Variants in RPAP3 observed in about 807,000 individuals in gnomAD.
RPAP3 encodes RNA polymerase II associated protein 3.
Under a neutral mutation model 88.8 loss-of-function variants are expected in RPAP3, and 58 were observed. That is an observed-to-expected ratio of 0.65 (90% CI 0.53 to 0.81). RPAP3 has a LOEUF of 0.81. Among genes scored for constraint, RPAP3 ranks in the 40% least tolerant of loss-of-function variants. The probability of loss-of-function intolerance (pLI) is 0.00; values close to 1 mark genes in which losing one functional copy is unlikely to be tolerated. For missense variants in RPAP3, 751 were observed against 764.3 expected, an observed-to-expected ratio of 0.98 and a Z score of 0.20; for synonymous variants, 255 against 259.9, an observed-to-expected ratio of 0.98 and a Z score of 0.18.
rs184323583 is a variant in RPAP3, at chr12:47,700,449, T to C, written c.294+1015A>G. Among the ~76,000 whole-genome samples, 149 of 152,354 alleles carry C rather than the reference T, an allele frequency of 9.8e-4. 1 individual carries two copies. The highest frequency in any genetic ancestry group is 3.5e-3 in the African/African-American group (145 of 41,580). ...ATACATCTCTACATATTCTTTGGTA[T>C]GAATCAAATATTACGTAATAAACAC... On this transcript the variant is annotated intron_variant, in intron 3 of 16. Coordinates refer to ENST00000005386, the MANE Select transcript of RPAP3 (RefSeq NM_024604.3).
At chr12:47,677,019 T>C (rs1196717368) in intron 12 of RPAP3, among the ~76,000 whole-genome samples, 2 of 152,048 alleles carry the variant, frequency 1.3e-5, no homozygotes, top group Non-Finnish European at 2.9e-5. Context: ...CCGAATCCAG[T>C]AGCACACCAA....
At chr12:47,692,334 T>C (rs940725264) in intron 5 of RPAP3, among the ~76,000 whole-genome samples, 2 of 152,244 alleles carry the variant, frequency 1.3e-5, no homozygotes, top group Non-Finnish European at 2.9e-5. Context: ...GTGTGTGTTG[T>C]TTAACACAGT....
intron 1 of RPAP3, 78 bp downstream of exon 1, chr12:47,705,874 C>T (rs1358886718): frequency 6.3e-6 from 1 of 159,342 alleles, no homozygotes; most frequent in Non-Finnish European, 1.4e-5. Context: ...TACCCATAAC[C>T]GCTACCCCTC....
intron 1 of RPAP3, among the ~76,000 whole-genome samples, chr12:47,705,353 T>C (rs1939768099): frequency 6.6e-6 from 1 of 152,248 alleles, no homozygotes; most frequent in South Asian, 2.1e-4. Flanking sequence ...GCAGTGTCCA[T>C]GTTTGACCAT....
chr12:47,682,472 A>C (rs1296301126), intron 9 of RPAP3, among the ~76,000 whole-genome samples: 2 of 152,186 alleles, frequency 1.3e-5, no homozygotes, highest in Admixed American at 1.3e-4. Context: ...TTAATTTCTT[A>C]GGAGTGCTAA....
chr12:47,663,580 T>C lies in RPAP3; in HGVS notation c.1923A>G (p.Ala641=), dbSNP rs1938803810. 2 of 1,555,218 alleles carry C rather than the reference T, an allele frequency of 1.3e-6. No individual in the cohort carries two copies. The highest frequency in any genetic ancestry group is 1.7e-6 in the Non-Finnish European group (2 of 1,149,970). Residue 641 remains alanine, a synonymous_variant, in exon 17 of 17, where the codon GCA becomes GCG. Coordinates refer to ENST00000005386, the MANE Select transcript of RPAP3 (RefSeq NM_024604.3). The part of the protein sequence containing the change: ...MSETEKKIAR[A]LFNHIDKSGL... ...CTGACTTGTCTATGTGATTAAATAA[T>C]GCACGTGCAACTGAAAAAGAAAAAG...
chr12:47,685,105 G>A (rs553436258), intron 9 of RPAP3, among the ~76,000 whole-genome samples: 75 of 152,254 alleles, frequency 4.9e-4, no homozygotes, highest in Non-Finnish European at 9.4e-4. Flanking sequence ...TTGGCCGGGC[G>A]CGGTGGCTCC....
At chr12:47,664,113 G>C (rs1175473296) in intron 16 of RPAP3, among the ~76,000 whole-genome samples, 1 of 152,204 alleles carries the variant, frequency 6.6e-6, no homozygotes, top group African/African-American at 2.4e-5. Flanking sequence ...TCATGGGCCA[G>C]GCGTGGTGGT....
chr12:47,704,651 T>C (rs1482192527), intron 1 of RPAP3, among the ~76,000 whole-genome samples: 1 of 151,826 alleles, frequency 6.6e-6, no homozygotes, highest in Non-Finnish European at 1.5e-5. Flanking sequence ...GTGCTGGGAT[T>C]ATAGGCATGA....
chr12:47,678,766 T>C (rs1939165770), intron 12 of RPAP3, among the ~76,000 whole-genome samples: 1 of 152,150 alleles, frequency 6.6e-6, no homozygotes, highest in African/African-American at 2.4e-5. Flanking sequence ...CTGGAGAGGA[T>C]GTGGAGAAAT....
At chr12:47,701,363 G>T in intron 3 of RPAP3, 101 bp downstream of exon 3, 1 of 764,558 alleles carries the variant, frequency 1.3e-6, no homozygotes, top group Non-Finnish European at 2.0e-6. Flanking sequence ...GAAAAACACA[G>T]GCCATAACTC....
At chr12:47,702,578 G>T in intron 2 of RPAP3, 110 bp downstream of exon 2, 2 of 905,526 alleles carry the variant, frequency 2.2e-6, no homozygotes, top group Non-Finnish European at 3.2e-6. Flanking sequence ...AAAATTGACA[G>T]TGAAGCAAGT....
chr12:47,677,923 A>C (rs1276719677), intron 12 of RPAP3, among the ~76,000 whole-genome samples: 1 of 152,216 alleles, frequency 6.6e-6, no homozygotes, highest in Non-Finnish European at 1.5e-5. Context: ...GGAACCAAAA[A>C]AGAGCCCACA....
At chr12:47,688,998 T>C (rs1939376947) in intron 7 of RPAP3, 127 bp downstream of exon 7, 1 of 574,768 alleles carries the variant, frequency 1.7e-6, no homozygotes. Context: ...AGTAAAACTC[T>C]ATAGTACAAA....
At chr12:47,671,981 T>C (rs534836251) in intron 12 of RPAP3, among the ~76,000 whole-genome samples, 1 of 151,280 alleles carries the variant, frequency 6.6e-6, no homozygotes, top group Non-Finnish European at 1.5e-5. Flanking sequence ...AGTTGTATAT[T>C]GTGACCATTT....
intron 10 of RPAP3, 147 bp from the exon 11 acceptor site, chr12:47,679,921 G>A (rs1592475003): frequency 1.7e-6 from 1 of 594,070 alleles, no homozygotes; most frequent in East Asian, 2.8e-5. Context: ...GTGAGCTATA[G>A]TAAGAACATT....
At position 47,690,556 on chromosome 12, in the gene RPAP3, G is replaced by A. The variant is rs749369834; in HGVS notation, c.629C>T (p.Ala210Val). 6.2e-6 allele frequency: 10 copies of A among 1,604,104 alleles called. No homozygotes were observed. In the South Asian group the frequency reaches 1.1e-4, roughly 18 times the overall value. ...TTCTAATTTTTGCAAAGCAAATCGA[G>A]CAGCACCTCGTCTGGAATAAGCCTT... ...YTKAYSRRGA[A>V]RFALQKLEEA... Residue 210 changes from alanine (A) to valine (V), a missense_variant, in exon 6 of 17, where the codon GCT becomes GTT. Coordinates refer to ENST00000005386, the MANE Select transcript of RPAP3 (RefSeq NM_024604.3).
intron 16 of RPAP3, chr12:47,664,873 C>T (rs1480076708): frequency 2.6e-5 from 4 of 152,152 alleles, no homozygotes; most frequent in Non-Finnish European, 5.9e-5. Flanking sequence ...AATAAACATA[C>T]ACATGAACCA....
At chr12:47,698,259 T>C (rs1036717900) in intron 3 of RPAP3, among the ~76,000 whole-genome samples, 18 of 152,038 alleles carry the variant, frequency 1.2e-4, no homozygotes, top group Non-Finnish European at 2.9e-5. Flanking sequence ...AGTTAACTCA[T>C]TCAAGGTCAC....
Sources: gnomAD v4.1 joint callset for allele counts (sites outside exome capture counted in the v4.1 genomes callset) on GRCh38, gnomAD v4.1.1 for gene constraint, MANE v1.5 for transcripts, NCBI Gene and HGNC (gene_info 2026-07-23, HGNC 2026-07-21) for gene names.